The following STPG2 variants were observed in gnomAD, a reference collection of about 807,000 sequenced individuals.
STPG2 encodes the protein sperm tail PG-rich repeat containing 2, also known as sperm-tail PG-rich repeat-containing protein 2.
A neutral mutation model predicts 54.2 loss-of-function variants in STPG2; 56 were observed. The ratio of observed to expected loss-of-function variants is 1.03; its 90% CI spans 0.83 to 1.29. The LOEUF (loss-of-function observed/expected upper bound fraction) is 1.29, where lower values mean the gene tolerates loss of function less well. Ranked by LOEUF, STPG2 falls within the 50% of genes most tolerant of loss-of-function variation. STPG2 has a pLI of 0.00. For synonymous variants in STPG2, 200 were observed against 181.8 expected (o/e 1.10, Z -0.81); for missense variants, 596 against 544.9 (o/e 1.09, Z -0.93).
At chr4:97,782,710 T>G (rs1046934862) in intron 9 of STPG2, among the ~76,000 whole-genome samples, 99 of 152,238 alleles carry the variant, frequency 6.5e-4, no homozygotes, top group African/African-American at 2.4e-3. Flanking sequence ...CAAAACCACA[T>G]GGTACTGGTA....
intron 8 of STPG2, among the ~76,000 whole-genome samples, chr4:97,876,250 G>A (rs543381377): frequency 5.3e-5 from 8 of 152,124 alleles, no homozygotes; most frequent in African/African-American, 1.7e-4. Context: ...AGATGTAATC[G>A]TGTATTTACA....
intron 9 of STPG2, among the ~76,000 whole-genome samples, chr4:97,806,064 G>A (rs759602493): frequency 2.6e-5 from 4 of 152,224 alleles, no homozygotes; most frequent in East Asian, 1.9e-4. Context: ...TATGTTCAAC[G>A]CAGTGCTATT....
At chr4:97,689,169 T>C (rs1193983687) in intron 10 of STPG2, among the ~76,000 whole-genome samples, 1 of 152,134 alleles carries the variant, frequency 6.6e-6, no homozygotes, top group African/African-American at 2.4e-5. Flanking sequence ...AGCAAAGCAC[T>C]TAAGGTTTTA....
intron 4 of STPG2, among the ~76,000 whole-genome samples, chr4:97,548,338 G>A (rs1731891106): frequency 6.6e-6 from 1 of 152,132 alleles, no homozygotes; most frequent in Non-Finnish European, 1.5e-5. Flanking sequence ...TGCTACTGAT[G>A]TCATGAAAGC....
chr4:97,809,804 C>G (rs1004551664), intron 9 of STPG2, among the ~76,000 whole-genome samples: 1 of 152,066 alleles, frequency 6.6e-6, no homozygotes, highest in Non-Finnish European at 1.5e-5. Context: ...AAGAAGGGAA[C>G]TTTAAAGAGC....
chr4:97,823,421 C>T (rs1278607272), intron 9 of STPG2, among the ~76,000 whole-genome samples: 2 of 152,170 alleles, frequency 1.3e-5, no homozygotes, highest in Non-Finnish European at 2.9e-5. Flanking sequence ...GGTGAATGCA[C>T]ATCTGATTAC....
intron 4 of STPG2, among the ~76,000 whole-genome samples, chr4:97,477,568 C>A (rs1578329013): frequency 6.6e-6 from 1 of 151,456 alleles, no homozygotes; most frequent in East Asian, 1.9e-4. Flanking sequence ...GCTCCGCCTC[C>A]CAGGTTCACG....
intron 4 of STPG2, among the ~76,000 whole-genome samples, chr4:97,551,216 G>A (rs1237851790): frequency 6.6e-6 from 1 of 152,060 alleles, no homozygotes; most frequent in Admixed American, 6.6e-5. Flanking sequence ...AGACAGAAAA[G>A]TTCTCCAAGT....
At chr4:97,952,946 CAA>C (rs1230842984) in intron 7 of STPG2, among the ~76,000 whole-genome samples, 2 of 152,126 alleles carry the variant, frequency 1.3e-5, no homozygotes, top group Non-Finnish European at 2.9e-5. Flanking sequence ...GTGGTGCTTG[CAA>C]AAGAGTCTCA....
intron 8 of STPG2, among the ~76,000 whole-genome samples, chr4:97,905,247 C>G (rs1578674953): frequency 6.6e-6 from 1 of 152,160 alleles, no homozygotes; most frequent in South Asian, 2.1e-4. Context: ...ATCAGACTAA[C>G]AGCGGATGTC....
chr4:97,662,111 C>T lies in STPG2; in HGVS notation c.1320+50588G>A, dbSNP rs145958780. 6.9e-3 allele frequency among the ~76,000 whole-genome samples: 1,054 copies of T among 151,924 alleles called. 10 individuals are homozygous for T. Among genetic ancestry groups the T allele is most frequent in the Non-Finnish European group, 0.011 (771 of 67,868 alleles). On this transcript the variant is annotated intron_variant, in intron 10 of 10. Coordinates refer to ENST00000295268, the MANE Select transcript of STPG2 (RefSeq NM_174952.3). ...GAGTAAACAGACAACCTACAGAATG[C>T]AATATTTTCAAACTATGCATCTGTC... is the stretch of plus-strand genomic sequence containing the variant.
At chr4:97,498,675 T>TA (rs1020948116) in intron 4 of STPG2, among the ~76,000 whole-genome samples, 5 of 150,536 alleles carry the variant, frequency 3.3e-5, no homozygotes, top group Non-Finnish European at 4.4e-5. Flanking sequence ...TTAACTAAAA[T>TA]AAAAAAACAA....
chr4:97,885,922 C>T (rs1436218258), intron 8 of STPG2, among the ~76,000 whole-genome samples: 5 of 151,894 alleles, frequency 3.3e-5, no homozygotes, highest in Non-Finnish European at 5.9e-5. Context: ...TAAAGAAACA[C>T]AAAGATAAAT....
At chr4:97,854,592 G>A (rs749138735) in intron 8 of STPG2, among the ~76,000 whole-genome samples, 20 of 151,446 alleles carry the variant, frequency 1.3e-4, no homozygotes, top group Non-Finnish European at 1.9e-4. Flanking sequence ...CATGGGGATC[G>A]GGAATAAAAC....
intron 5 of STPG2, among the ~76,000 whole-genome samples, chr4:98,074,606 T>C (rs1442074110): frequency 6.6e-6 from 1 of 152,158 alleles, no homozygotes; most frequent in African/African-American, 2.4e-5. Flanking sequence ...CTTCTATTCT[T>C]TTACTCAGTT....
chr4:98,059,417 C>T (rs1737575869), intron 5 of STPG2, among the ~76,000 whole-genome samples: 1 of 151,728 alleles, frequency 6.6e-6, no homozygotes, highest in Admixed American at 6.6e-5. Context: ...AATAAATAGC[C>T]TACCAATAAA....
rs182747940 is a variant in STPG2 at position 97,672,310 on chromosome 4, A to T, written c.1320+40389T>A. Reference sequence around the variant, plus strand: ...TGCCTCAGTCTCCTGAGTAGCTAGGATTACAAGCATGCACCACCACACCCA... The same window carrying T: ...TGCCTCAGTCTCCTGAGTAGCTAGGTTTACAAGCATGCACCACCACACCCA... On this transcript the variant is annotated intron_variant, in intron 10 of 10. Transcript: ENST00000295268. Among the ~76,000 whole-genome samples, 625 of 151,090 alleles carry T rather than the reference A, an allele frequency of 4.1e-3. 3 individuals carry two copies. Among genetic ancestry groups the T allele is most frequent in the South Asian group, 0.021 (98 of 4,774 alleles).
chr4:97,660,554 C>T (rs1560707404), intron 10 of STPG2, among the ~76,000 whole-genome samples: 1 of 152,168 alleles, frequency 6.6e-6, no homozygotes, highest in Non-Finnish European at 1.5e-5. Flanking sequence ...CTCTTGATAA[C>T]TCTTTACTGA....
chr4:98,111,836 A>C (rs944342910), intron 3 of STPG2, among the ~76,000 whole-genome samples: 3 of 152,100 alleles, frequency 2.0e-5, no homozygotes, highest in African/African-American at 4.8e-5. Context: ...GAAGAAAGGT[A>C]AATTTGTTCT....
Sources: gnomAD v4.1 joint callset for allele counts (sites outside exome capture counted in the v4.1 genomes callset) on GRCh38, gnomAD v4.1.1 for gene constraint, MANE v1.5 for transcripts, NCBI Gene and HGNC (gene_info 2026-07-23, HGNC 2026-07-21) for gene names.